MICALL2: variants seen among roughly 807,000 people sequenced by gnomAD.
The protein encoded by MICALL2 is MICAL like 2.
Under a neutral mutation model 91.1 loss-of-function variants are expected in MICALL2, and 111 were observed. That is an observed-to-expected ratio of 1.22 (90% CI 1.04 to 1.43). The LOEUF (loss-of-function observed/expected upper bound fraction) is 1.43. Among genes scored for constraint, MICALL2 ranks in the 40% most tolerant of loss-of-function variants. The pLI, the probability that MICALL2 is intolerant of heterozygous loss-of-function variation, is 0.00. For synonymous variants in MICALL2, 694 were observed against 525.3 expected, an observed-to-expected ratio of 1.32 and a Z score of -4.39; for missense variants, 1,556 against 1,236.0, an observed-to-expected ratio of 1.26 and a Z score of -3.88.
rs1260840751 is a variant in MICALL2, at chr7:1,459,446, C to T, written c.-120G>A. The T allele has an allele frequency of 5.1e-6, 5 of 978,198 alleles. No homozygotes were observed. The African/African-American group carries it at 5.2e-5, about 10-fold the overall frequency. The allele number at this position is 978,198 out of a possible 1,614,324, so 60.6% of individuals were successfully genotyped here. A position where few individuals can be genotyped will look rare whatever the true frequency, so the allele number is the denominator to read the frequency against. ...CGCTACGGAACCGCCAGACCCACGG[C>T]GCCCAGCCCCAGCTGAGCCGGACTG... On this transcript the variant is annotated 5_prime_UTR_variant, in exon 1 of 17. Transcript: ENST00000297508.
Position 1,436,102 on chromosome 7 carries a change from C to A in MICALL2, c.2591+640G>T, listed in dbSNP as rs374839847. On this transcript the variant is annotated intron_variant, in intron 15 of 16. Transcript: ENST00000297508. ...ACAAAACAAACAAAAAAAACTAAGACTTTACGGCCAGTTACGGTGGCTCAT... is the reference window on the plus strand; with the variant it reads ...ACAAAACAAACAAAAAAAACTAAGAATTTACGGCCAGTTACGGTGGCTCAT... 1.3e-4 allele frequency among the ~76,000 whole-genome samples: 20 copies of A among 150,892 alleles called. 1 individual carries two copies. Among genetic ancestry groups the A allele is most frequent in the African/African-American group, 4.6e-4 (19 of 41,030 alleles).
At chr7:1,440,184 C>A in intron 8 of MICALL2, 99 bp from the exon 9 acceptor site, 1 of 1,459,042 alleles carries the variant, frequency 6.9e-7, no homozygotes, top group Non-Finnish European at 9.2e-7. Flanking sequence ...CCGGAGGGAG[C>A]AGGTGGCCTT....
At position 1,459,433 on chromosome 7, in the gene MICALL2, G is replaced by A. The variant is rs1004714069; in HGVS notation, c.-107C>T. 8 of 1,106,752 alleles carry A rather than the reference G, an allele frequency of 7.2e-6. No homozygotes were observed. In the African/African-American group the frequency reaches 8.4e-5, roughly 12 times the overall value. The allele number at this position is 1,106,752 out of a possible 1,614,324, so 68.6% of individuals were successfully genotyped here. A position where few individuals can be genotyped will look rare whatever the true frequency, so the allele number is the denominator to read the frequency against. On this transcript the variant is annotated 5_prime_UTR_variant, in exon 1 of 17. Transcript: ENST00000297508. ...CAGACGCTGGGACCGCTACGGAACC[G>A]CCAGACCCACGGCGCCCAGCCCCAG...
chr7:1,439,705 TG>T (rs1270411207), intron 9 of MICALL2: 22 of 434,990 alleles, frequency 5.1e-5, no homozygotes, highest in East Asian at 3.2e-4. Flanking sequence ...GCATCACGCA[TG>T]GATACAGGCA....
chr7:1,438,448 C>G, intron 10 of MICALL2, 95 bp from the exon 11 acceptor site: 2 of 1,511,160 alleles, frequency 1.3e-6, no homozygotes, highest in Non-Finnish European at 8.9e-7. Flanking sequence ...CAGCACAGCA[C>G]AGCTGGCCCC....
Position 1,447,685 on chromosome 7 carries a change from C to T in MICALL2, c.415G>A (p.Ala139Thr). 6.3e-7 allele frequency: 1 copy of T among 1,581,846 alleles called. No homozygotes were observed. Among genetic ancestry groups the T allele is most frequent in the Non-Finnish European group, 8.6e-7 (1 of 1,164,872 alleles). ...PSGKKAPVQA[A>T]KLPSPAPARK... ...GCTGGGGCGGGCGAGGGCAGCTTGG[C>T]CGCCTGGACTGGAGCCTTCTTCCCT... Residue 139 changes from alanine to threonine, a missense_variant, in exon 4 of 17, where the codon GCC (alanine) becomes ACC (threonine). Transcript: ENST00000297508.
At chr7:1,438,262 C>T in intron 11 of MICALL2, 27 bp downstream of exon 11, 1 of 1,587,738 alleles carries the variant, frequency 6.3e-7, no homozygotes. Context: ...GGGCTGGGCC[C>T]CTGCCCGGCT....
chr7:1,437,404 G>A (rs1189745332), intron 14 of MICALL2, 131 bp downstream of exon 14: 11 of 763,974 alleles, frequency 1.4e-5, no homozygotes, highest in South Asian at 3.8e-5. Context: ...ACTCAAACGT[G>A]GGCTCGCCTG....
Position 1,444,727 on chromosome 7 carries a change from C to G in MICALL2, c.1343G>C (p.Ser448Thr). The change falls in exon 6 of 17, where the codon AGC (serine) becomes ACC (threonine). Residue 448 changes from serine (S) to threonine (T), a missense_variant. Coordinates refer to ENST00000297508, the MANE Select transcript of MICALL2 (RefSeq NM_182924.4). ...TPSLVLSKDS[S>T]KEQARNFLKQ... ...GAGGAAGTTCCGCGCCTGCTCCTTG[C>G]TGCTGTCCTTGGATAGAACAAGTGA... The G allele has an allele frequency of 6.2e-7, 1 of 1,612,480 alleles. No individual in the cohort carries two copies. Among genetic ancestry groups the G allele is most frequent in the Non-Finnish European group, 8.5e-7 (1 of 1,179,880 alleles).
chr7:1,440,780 G>T, intron 7 of MICALL2, 96 bp from the exon 8 acceptor site: 2 of 1,037,300 alleles, frequency 1.9e-6, no homozygotes, highest in Non-Finnish European at 2.9e-6. Context: ...TCTTCCCATA[G>T]CCACTCCACC....
At chr7:1,439,522 AAC>A (rs375569493) in intron 9 of MICALL2, 2,835 of 199,632 alleles carry the variant, frequency 0.014, 73 homozygotes, top group African/African-American at 0.055. Context: ...CACATACACG[AAC>A]ACAGACACAT....
intron 15 of MICALL2, 130 bp downstream of exon 15, chr7:1,436,612 C>A: frequency 4.2e-6 from 2 of 472,224 alleles, no homozygotes; most frequent in Non-Finnish European, 7.2e-6. Flanking sequence ...CCCCTGGCTA[C>A]TGTACCAGTC....
intron 9 of MICALL2, chr7:1,439,270 G>C (rs1284965612): frequency 4.3e-6 from 2 of 468,460 alleles, no homozygotes; most frequent in Non-Finnish European, 3.8e-6. Context: ...GCAGCTATGA[G>C]TGCTAGGAAT....
chr7:1,436,397 CA>C (rs963959456), intron 15 of MICALL2, among the ~76,000 whole-genome samples: 1 of 148,714 alleles, frequency 6.7e-6, no homozygotes, highest in Non-Finnish European at 1.5e-5. Flanking sequence ...AAAACAAAAA[CA>C]AAAAATTAGC....
intron 1 of MICALL2, among the ~76,000 whole-genome samples, chr7:1,453,063 G>T (rs917216467): frequency 6.6e-6 from 1 of 150,986 alleles, no homozygotes; most frequent in African/African-American, 2.4e-5. Context: ...TCAGGGGCCC[G>T]ATGCTGGCAG....
intron 1 of MICALL2, among the ~76,000 whole-genome samples, chr7:1,453,669 C>T (rs1404713704): frequency 6.6e-6 from 1 of 152,164 alleles, no homozygotes; most frequent in Non-Finnish European, 1.5e-5. Context: ...GCCACCGCTG[C>T]AAACCTGCAG....
rs1484296692 is a variant in MICALL2, at chr7:1,450,255, A to G, written c.177T>C (p.Tyr59=). 5 of 1,612,918 alleles carry G rather than the reference A, an allele frequency of 3.1e-6. No homozygotes were observed. Among genetic ancestry groups the G allele is most frequent in the Non-Finnish European group, 4.2e-6 (5 of 1,179,888 alleles). The stretch of plus-strand genomic sequence containing the variant: ...GGCCACTCACCAGTTTATTGTTTTC[A>G]TAAATATTTTCCTTCTTGAGAGCAC... The part of the protein sequence containing the change: ...NFSALKKENI[Y]ENNKLAFRVA... Residue 59 remains tyrosine, a synonymous_variant, in exon 2 of 17, where the codon TAT becomes TAC. Transcript: ENST00000297508.
At chr7:1,438,059 G>GGAGT in intron 12 of MICALL2, 38 bp downstream of exon 12, 1 of 1,565,358 alleles carries the variant, frequency 6.4e-7, no homozygotes, top group Admixed American at 1.9e-5. Flanking sequence ...GGTGTCTGTG[G>GGAGT]GAGTCGGGCT....
intron 14 of MICALL2, 86 bp downstream of exon 14, chr7:1,437,449 G>A (rs960150117): frequency 4.6e-5 from 57 of 1,239,690 alleles, no homozygotes; most frequent in Admixed American, 5.8e-5. Flanking sequence ...GGACAGTCAG[G>A]TGGCCTCACA....
Sources: gnomAD v4.1 joint callset for allele counts (sites outside exome capture counted in the v4.1 genomes callset) on GRCh38, gnomAD v4.1.1 for gene constraint, MANE v1.5 for transcripts, NCBI Gene and HGNC (gene_info 2026-07-23, HGNC 2026-07-21) for gene names.